HDAC9: variants seen among roughly 807,000 people sequenced by gnomAD.
HDAC9 encodes histone deacetylase 9.
In HDAC9, 41 loss-of-function variants were observed where a neutral mutation model predicts 139.4. The observed-to-expected ratio is 0.29, with a 90% confidence interval of 0.23 to 0.38. The LOEUF is 0.38. Among genes scored for constraint, HDAC9 ranks in the 10% least tolerant of loss-of-function variants. The pLI, the probability that HDAC9 is intolerant of heterozygous loss-of-function variation, is 1.00. For missense variants in HDAC9, 1,147 were observed against 1,297.0 expected (o/e 0.88, Z 1.78); for synonymous variants, 517 against 476.2 (o/e 1.09, Z -1.12).
intron 1 of HDAC9, among the ~76,000 whole-genome samples, chr7:18,299,645 T>C (rs117870796): frequency 0.015 from 2,254 of 152,296 alleles, 31 homozygotes; most frequent in Middle Eastern, 0.034. Flanking sequence ...AAGGTTATCA[T>C]TGAATGAAAT....
chr7:18,170,569 T>A (rs1381473312), intron 2 of HDAC9, among the ~76,000 whole-genome samples: 4 of 152,062 alleles, frequency 2.6e-5, no homozygotes, highest in Non-Finnish European at 5.9e-5. Context: ...GGGTTTTTTT[T>A]ATGGTTTTAG....
At chr7:18,217,536 T>TA (rs1792405135) in intron 2 of HDAC9, among the ~76,000 whole-genome samples, 1 of 152,210 alleles carries the variant, frequency 6.6e-6, no homozygotes, top group African/African-American at 2.4e-5. Context: ...TGGGTACTTT[T>TA]AAAGTTTGCT....
chr7:18,359,650 C>T (rs1379627804), intron 1 of HDAC9, among the ~76,000 whole-genome samples: 1 of 152,106 alleles, frequency 6.6e-6, no homozygotes, highest in African/African-American at 2.4e-5. Flanking sequence ...ATTCTGTCAC[C>T]CAGGCTGGAG....
At chr7:18,406,029 A>G (rs1009267661) in intron 1 of HDAC9, among the ~76,000 whole-genome samples, 7 of 152,182 alleles carry the variant, frequency 4.6e-5, no homozygotes, top group South Asian at 4.1e-4. Context: ...TAGACCAATC[A>G]TTGGTTGTAA....
intron 1 of HDAC9, among the ~76,000 whole-genome samples, chr7:18,154,014 T>C (rs948060579): frequency 6.6e-6 from 1 of 152,210 alleles, no homozygotes; most frequent in Non-Finnish European, 1.5e-5. Flanking sequence ...AGAGGGACCT[T>C]AAGGTCTATT....
intron 1 of HDAC9, among the ~76,000 whole-genome samples, chr7:18,109,274 G>T (rs1196546237): frequency 2.6e-5 from 4 of 152,170 alleles, no homozygotes; most frequent in African/African-American, 9.7e-5. Flanking sequence ...ACAAATTGAG[G>T]ATATTAGTAC....
rs201009442 is a variant in HDAC9, at chr7:18,732,925, G to A, written c.1909+5168G>A. Reference sequence around the variant, plus strand: ...CACGTGTGCGTATGTGTATACACACGTGTGTATGTATGTGTATACACACGT... The same window carrying A: ...CACGTGTGCGTATGTGTATACACACATGTGTATGTATGTGTATACACACGT... On this transcript the variant is annotated intron_variant, in intron 13 of 25. Coordinates refer to ENST00000686413, the MANE Select transcript of HDAC9 (RefSeq NM_178425.4). Among the ~76,000 whole-genome samples, 29 of 100,152 alleles carry A rather than the reference G, an allele frequency of 2.9e-4. 4 individuals carry two copies. Among genetic ancestry groups the A allele is most frequent in the African/African-American group, 1.3e-3 (20 of 15,870 alleles). 65.7% of individuals were successfully genotyped at this position (100,152 alleles called of 152,430 possible). A position where few individuals can be genotyped will look rare whatever the true frequency, so the allele number is the denominator to read the frequency against.
intron 13 of HDAC9, among the ~76,000 whole-genome samples, chr7:18,735,255 C>G (rs1241568492): frequency 6.6e-6 from 1 of 152,186 alleles, no homozygotes; most frequent in East Asian, 1.9e-4. Flanking sequence ...TCCCATTCGT[C>G]TATTTTGGCT....
chr7:18,272,240 G>A (rs1340396539), intron 2 of HDAC9, among the ~76,000 whole-genome samples: 1 of 152,110 alleles, frequency 6.6e-6, no homozygotes, highest in Non-Finnish European at 1.5e-5. Flanking sequence ...GTTGTGCATA[G>A]GTGCTTTCCT....
intron 21 of HDAC9, among the ~76,000 whole-genome samples, chr7:18,847,925 G>A (rs1266884338): frequency 1.3e-5 from 2 of 152,176 alleles, no homozygotes; most frequent in East Asian, 1.9e-4. Context: ...AGTCATGAGC[G>A]ATTCTATCAG....
intron 12 of HDAC9, among the ~76,000 whole-genome samples, chr7:18,688,736 G>A (rs1455119534): frequency 6.6e-6 from 1 of 151,784 alleles, no homozygotes; most frequent in African/African-American, 2.4e-5. Context: ...ACACATTCAC[G>A]GGAAATGTCT....
intron 25 of HDAC9, among the ~76,000 whole-genome samples, chr7:18,984,098 A>C (rs1785134430): frequency 6.6e-6 from 1 of 152,162 alleles, no homozygotes; most frequent in Non-Finnish European, 1.5e-5. Flanking sequence ...ACATAAGTGA[A>C]AATTAGATAC....
intron 13 of HDAC9, among the ~76,000 whole-genome samples, chr7:18,738,796 A>G (rs1787169502): frequency 6.6e-6 from 1 of 151,996 alleles, no homozygotes; most frequent in Non-Finnish European, 1.5e-5. Flanking sequence ...CCTGAATTTG[A>G]ATGTTGGCCT....
intron 12 of HDAC9, 108 bp downstream of exon 12, chr7:18,666,584 TC>T: frequency 6.7e-7 from 1 of 1,499,516 alleles, no homozygotes; most frequent in Non-Finnish European, 8.9e-7. Context: ...AGTTTATATT[TC>T]TCTATGATTT....
intron 1 of HDAC9, among the ~76,000 whole-genome samples, chr7:18,089,721 T>C (rs1444859089): frequency 6.6e-6 from 1 of 152,118 alleles, no homozygotes; most frequent in Non-Finnish European, 1.5e-5. Flanking sequence ...TTGTACACAC[T>C]CAGTGGGGAA....
intron 17 of HDAC9, among the ~76,000 whole-genome samples, chr7:18,815,785 T>G (rs1794518924): frequency 6.6e-6 from 1 of 152,252 alleles, no homozygotes; most frequent in Non-Finnish European, 1.5e-5. Flanking sequence ...CTGGCTCCCT[T>G]GAGCTGGCTC....
intron 2 of HDAC9, among the ~76,000 whole-genome samples, chr7:18,227,568 A>G (rs1793144800): frequency 6.6e-6 from 1 of 152,152 alleles, no homozygotes; most frequent in African/African-American, 2.4e-5. Context: ...TGTTATCAAC[A>G]TTCTTAGGTG....
At chr7:18,106,831 T>C (rs746341525) in intron 1 of HDAC9, among the ~76,000 whole-genome samples, 4 of 152,154 alleles carry the variant, frequency 2.6e-5, no homozygotes, top group Non-Finnish European at 4.4e-5. Context: ...CTGATTTTCT[T>C]TTGAGTTCAT....
intron 22 of HDAC9, among the ~76,000 whole-genome samples, chr7:18,931,326 G>A (rs1804722879): frequency 6.6e-6 from 1 of 152,066 alleles, no homozygotes; most frequent in South Asian, 2.1e-4. Context: ...AGTGTGGACA[G>A]CCTCATTCCT....
Sources: allele counts gnomAD v4.1 joint callset (sites outside exome capture counted in the v4.1 genomes callset), GRCh38; gene constraint gnomAD v4.1.1; transcripts MANE v1.5; gene names NCBI Gene and HGNC (gene_info 2026-07-23, HGNC 2026-07-21).